CAMK1: variants seen among roughly 807,000 people sequenced by gnomAD.
CAMK1 encodes calcium/calmodulin-dependent protein kinase type 1.
In CAMK1, 39 loss-of-function variants were observed where a neutral mutation model predicts 49.1. The ratio of observed to expected loss-of-function variants is 0.79; its 90% confidence interval spans 0.62 to 1.04. The LOEUF (loss-of-function observed/expected upper bound fraction) is 1.04. CAMK1 is among the 50% of genes least tolerant of loss of function. The probability of loss-of-function intolerance (pLI) is 0.00; values close to 1 mark genes in which losing one functional copy is unlikely to be tolerated. For synonymous variants in CAMK1, 192 were observed against 185.2 expected, an observed-to-expected ratio of 1.04 and a Z score of -0.30; for missense variants, 457 against 472.2, an observed-to-expected ratio of 0.97 and a Z score of 0.30.
In CAMK1 at chr3:9,763,231, G is replaced by A. The variant is rs747812591; in HGVS notation, c.216-18C>T. On this transcript the variant is annotated intron_variant, in intron 3 of 11. Coordinates refer to ENST00000256460, the MANE Select transcript of CAMK1 (RefSeq NM_003656.5). ...GCTTGATCCTGAAAGGAGAAATGAG[G>A]TGGTTTAGCCAGGCATGGCGGTGTG... The A allele has an allele frequency of 1.9e-6, 3 of 1,613,522 alleles. No individual in the cohort carries two copies. Among genetic ancestry groups the A allele is most frequent in the East Asian group, 4.5e-5 (2 of 44,878 alleles).
chr3:9,757,494 C>G lies in CAMK1; in HGVS notation c.*45G>C, dbSNP rs377262589. 274 of 1,604,176 alleles carry G rather than the reference C, an allele frequency of 1.7e-4. No homozygotes were observed. The highest frequency in any genetic ancestry group is 1.4e-3 in the Middle Eastern group (8 of 5,910). ...AGGGAGGGAAGGGGAGCAGGCTGCC[C>G]CCAAGCCCTCCCACGCAGAGGATCA... On this transcript the variant is annotated 3_prime_UTR_variant, in exon 12 of 12. Transcript: ENST00000256460. The surrounding 1 kb of genome is among the most constrained non-coding windows in gnomAD (Gnocchi z 4.5).
chr3:9,762,716 G>A (rs148290004), intron 5 of CAMK1, among the ~76,000 whole-genome samples, 198 bp downstream of exon 5: 1 of 151,966 alleles, frequency 6.6e-6, no homozygotes, highest in Non-Finnish European at 1.5e-5. Context: ...TGGATAAAAT[G>A]CCACACAATT....
chr3:9,766,560 T>A lies in CAMK1; in HGVS notation c.84-670A>T, dbSNP rs114348032. The A allele has an allele frequency of 8.3e-4, 586 of 706,450 alleles. 1 individual carries two copies. The African/African-American group carries it at 0.01, about 13-fold the overall frequency. The allele number at this position is 706,450 out of a possible 1,614,324, so 43.8% of individuals were successfully genotyped here. On this transcript the variant is annotated intron_variant, in intron 2 of 11. Coordinates refer to ENST00000256460, the MANE Select transcript of CAMK1 (RefSeq NM_003656.5). ...TAAATCAATCTGCAGTTTAACAAAA[T>A]CCTCAGGTGATTTGTATGCTCATTG...
chr3:9,765,129 A>C lies in CAMK1; in HGVS notation c.215+630T>G, dbSNP rs1386597259. Among the ~76,000 whole-genome samples, 3 of 151,868 alleles carry C rather than the reference A, an allele frequency of 2.0e-5. No individual in the cohort carries two copies. The South Asian group carries it at 6.2e-4, about 32-fold the overall frequency. ...GTAATCCCAGCTACTAGGGAGGCTG[A>C]AGCAAGAGAATTGCTTGAACCCAAG... On this transcript the variant is annotated intron_variant, in intron 3 of 11. Coordinates refer to ENST00000256460, the MANE Select transcript of CAMK1 (RefSeq NM_003656.5).
At chr3:9,763,996 A>G (rs1371981309) in intron 3 of CAMK1, among the ~76,000 whole-genome samples, 3 of 152,024 alleles carry the variant, frequency 2.0e-5, no homozygotes, top group Admixed American at 1.3e-4. Context: ...CAAAAAAAAT[A>G]TATATATATA....
At chr3:9,768,360 C>A in intron 1 of CAMK1, among the ~76,000 whole-genome samples, 1 of 152,236 alleles carries the variant, frequency 6.6e-6, no homozygotes, top group East Asian at 1.9e-4. Flanking sequence ...ACCTCTCCCT[C>A]CTGACTCCCC....
chr3:9,760,482 G>A, intron 8 of CAMK1, 174 bp downstream of exon 8: 1 of 597,942 alleles, frequency 1.7e-6, no homozygotes, highest in South Asian at 2.0e-5. Context: ...GAGCCAAGCA[G>A]AAGGAAGTAC....
chr3:9,766,386 C>T (rs867296401), intron 2 of CAMK1: 7 of 590,240 alleles, frequency 1.2e-5, no homozygotes, highest in Middle Eastern at 4.5e-4. Context: ...CGAGTCATGG[C>T]TAATTTAACA....
chr3:9,769,086 ACATGTACT>A (rs1157517099), intron 1 of CAMK1, among the ~76,000 whole-genome samples: 1 of 151,994 alleles, frequency 6.6e-6, no homozygotes, highest in Non-Finnish European at 1.5e-5. Context: ...ACCTGATCAT[ACATGTACT>A]CCCAGACATC....
chr3:9,768,754 T>C (rs551419734), intron 1 of CAMK1, among the ~76,000 whole-genome samples: 1 of 152,308 alleles, frequency 6.6e-6, no homozygotes, highest in South Asian at 2.1e-4. Context: ...GAGAGCACTT[T>C]CCTTCTCTCT....
In CAMK1 at chr3:9,757,492, C is replaced by T. The variant is rs1334500934; in HGVS notation, c.*47G>A. On this transcript the variant is annotated 3_prime_UTR_variant, in exon 12 of 12. Coordinates refer to ENST00000256460, the MANE Select transcript of CAMK1 (RefSeq NM_003656.5). This position sits in a 1 kb window ranked among gnomAD's most constrained non-coding sequence, Gnocchi z 4.5. ...TCAGGGAGGGAAGGGGAGCAGGCTG[C>T]CCCCAAGCCCTCCCACGCAGAGGAT... The T allele has an allele frequency of 1.2e-6, 2 of 1,603,170 alleles. No homozygotes were observed. The highest frequency in any genetic ancestry group is 1.7e-6 in the Non-Finnish European group (2 of 1,173,062).
chr3:9,766,260 G>A (rs1284175394), intron 2 of CAMK1: 2 of 706,426 alleles, frequency 2.8e-6, no homozygotes, highest in Non-Finnish European at 5.1e-6. Flanking sequence ...CCTGAGAAAT[G>A]GCCAAATATA....
In CAMK1 at chr3:9,759,918, C is replaced by T. The variant is rs139193244; in HGVS notation, c.746-168G>A. The T allele has an allele frequency of 3.1e-4, 332 of 1,056,494 alleles. 4 individuals are homozygous for T. The African/African-American group carries it at 4.7e-3, about 15-fold the overall frequency. The allele number at this position is 1,056,494 out of a possible 1,614,324, so 65.4% of individuals were successfully genotyped here. ...TGCTCTTCTTCAGGCCCTCCCACCCCGTGCCTTCCAGCTCTTTCCTTTCTC... is the reference window on the plus strand; with the variant it reads ...TGCTCTTCTTCAGGCCCTCCCACCCTGTGCCTTCCAGCTCTTTCCTTTCTC... On this transcript the variant is annotated intron_variant, in intron 8 of 11. Coordinates refer to ENST00000256460, the MANE Select transcript of CAMK1 (RefSeq NM_003656.5).
At chr3:9,763,345 A>T in intron 3 of CAMK1, 132 bp from the exon 4 acceptor site, 3 of 955,306 alleles carry the variant, frequency 3.1e-6, no homozygotes, top group Non-Finnish European at 4.6e-6. Flanking sequence ...GTCTGTTATG[A>T]TTGCACCTGT....
rs373517670 is a variant in CAMK1 at position 9,766,999 on chromosome 3, C to G, written c.83+668G>C. On this transcript the variant is annotated intron_variant, in intron 2 of 11. Coordinates refer to ENST00000256460, the MANE Select transcript of CAMK1 (RefSeq NM_003656.5). The stretch of plus-strand genomic sequence containing the variant: ...TCCAGCCCCTTTTTCCACTCTCCCC[C>G]CAGCCTGTGATTTTAAGCTCCATCA... Among the ~76,000 whole-genome samples the G allele has an allele frequency of 1.2e-4, 18 of 152,304 alleles. No homozygotes were observed. The South Asian group carries it at 1.7e-3, about 14-fold the overall frequency.
chr3:9,759,043 G>A, intron 10 of CAMK1: 1 of 749,670 alleles, frequency 1.3e-6, no homozygotes, highest in Non-Finnish European at 2.4e-6. Context: ...AAGAGGCCTG[G>A]CCCCTTACCT....
Position 9,759,722 on chromosome 3 carries a change from C to G in CAMK1, c.774G>C (p.Glu258Asp). ...AGGTGAATCTTTTCTCTGGGTCCTT[C>G]TCCATCAAGTGCCGGATGAAATCTT... ...SAKDFIRHLM[E>D]KDPEKRFTCE... The change falls in exon 9 of 12, where the codon GAG becomes GAC. Residue 258 changes from glutamate to aspartate, a missense_variant. Coordinates refer to ENST00000256460, the MANE Select transcript of CAMK1 (RefSeq NM_003656.5). 1 of 1,614,164 alleles carries G rather than the reference C, an allele frequency of 6.2e-7. No individual in the cohort carries two copies. Among genetic ancestry groups the G allele is most frequent in the Non-Finnish European group, 8.5e-7 (1 of 1,180,040 alleles).
chr3:9,760,843 T>C, intron 7 of CAMK1, 75 bp from the exon 8 acceptor site: 1 of 1,595,574 alleles, frequency 6.3e-7, no homozygotes, highest in Non-Finnish European at 8.5e-7. Flanking sequence ...TGGGGCAGTC[T>C]CAGGGGTCAG....
chr3:9,764,992 C>T (rs1016274829), intron 3 of CAMK1, among the ~76,000 whole-genome samples: 3 of 151,628 alleles, frequency 2.0e-5, no homozygotes, highest in South Asian at 4.2e-4. Flanking sequence ...TTTGGGAGGC[C>T]GAGGCGGGTG....
Sources: allele counts gnomAD v4.1 joint callset (sites outside exome capture counted in the v4.1 genomes callset), GRCh38; gene constraint gnomAD v4.1.1; non-coding constraint Gnocchi (gnomAD v3.1); transcripts MANE v1.5; gene names NCBI Gene and HGNC (gene_info 2026-07-23, HGNC 2026-07-21).